LPA: variants seen among roughly 807,000 people sequenced by gnomAD.
LPA encodes the protein apolipoprotein(a).
LPA carries 199 observed loss-of-function variants against 197.9 expected under a neutral mutation model. The observed-to-expected ratio is 1.01, with a 90% confidence interval of 0.90 to 1.13. The LOEUF (loss-of-function observed/expected upper bound fraction) is 1.13, where lower values mean the gene tolerates loss of function less well. LPA is among the 50% of genes most tolerant of loss of function. The probability of loss-of-function intolerance (pLI) is 0.00; values close to 1 mark genes in which losing one functional copy is unlikely to be tolerated. For missense variants in LPA, 1,853 were observed against 1,785.8 expected (o/e 1.04, Z -0.68); for synonymous variants, 715 against 639.5 (o/e 1.12, Z -1.78).
chr6:160,608,288 T>C (rs1445927598), intron 16 of LPA, among the ~76,000 whole-genome samples: 3 of 152,168 alleles, frequency 2.0e-5, no homozygotes, highest in East Asian at 1.9e-4. Context: ...TTCCGGTTTC[T>C]TTGTTTGGGG....
Position 160,556,059 on chromosome 6 carries a change from G to T in LPA, c.4939C>A (p.Arg1647=). 4 of 1,612,184 alleles carry T rather than the reference G, an allele frequency of 2.5e-6. No individual in the cohort carries two copies. In the South Asian group the frequency reaches 4.4e-5, roughly 18 times the overall value. Residue 1647 remains arginine, a synonymous_variant, in exon 30 of 39, where the codon CGG becomes AGG. Transcript: ENST00000316300. ...TAGTTTTCTGGGGTCCTCTGATGCC[G>T]GTGTGGTGTCATGGATGACCAAGAT... is the stretch of plus-strand genomic sequence containing the variant. ...CQSWSSMTPH[R]HQRTPENYPN...
intron 22 of LPA, among the ~76,000 whole-genome samples, chr6:160,592,185 T>A (rs1779042875): frequency 6.6e-6 from 1 of 152,208 alleles, no homozygotes; most frequent in South Asian, 2.1e-4. Flanking sequence ...TTCCTAGATG[T>A]CCTTGAGGCT....
At chr6:160,610,215 G>A (rs763856297) in intron 16 of LPA, among the ~76,000 whole-genome samples, 1 of 152,060 alleles carries the variant, frequency 6.6e-6, no homozygotes, top group Non-Finnish European at 1.5e-5. Context: ...TGGGGATACC[G>A]CATAGCTGAG....
Position 160,589,636 on chromosome 6 carries a change from G to T in LPA, c.3864C>A (p.Thr1288=). The part of the protein sequence containing the change: ...DGQSYRGSFS[T]TVTGRTCQSW... ...ACTGACATGTCCTTCCTGTAACAGTGGTGGAGAATGAGCCTCGATAACTCT... is the reference window on the plus strand; with the variant it reads ...ACTGACATGTCCTTCCTGTAACAGTTGTGGAGAATGAGCCTCGATAACTCT... Residue 1288 remains threonine (T), a synonymous_variant, in exon 24 of 39, where the codon ACC becomes ACA. Transcript: ENST00000316300. 1 of 1,613,944 alleles carries T rather than the reference G, an allele frequency of 6.2e-7. No individual in the cohort carries two copies. Among genetic ancestry groups the T allele is most frequent in the Non-Finnish European group, 8.5e-7 (1 of 1,179,876 alleles).
chr6:160,537,972 AGT>A lies in LPA; in HGVS notation c.5736-13_5736-12del. 1.9e-6 allele frequency: 3 copies of A among 1,612,786 alleles called. No individual in the cohort carries two copies. The highest frequency in any genetic ancestry group is 2.2e-5 in the South Asian group (2 of 91,006). ...GTGATGACGGCAGGCCTGTAAGGAA[AGT>A]ATTAGCAGTTATGTTTCACTGCCCA... is the stretch of plus-strand genomic sequence containing the variant. On this transcript the variant is annotated splice_polypyrimidine_tract_variant and intron_variant, in intron 36 of 38. Coordinates refer to ENST00000316300, the MANE Select transcript of LPA (RefSeq NM_005577.4).
At chr6:160,661,924 A>C (rs1780233743) in intron 1 of LPA, among the ~76,000 whole-genome samples, 1 of 152,220 alleles carries the variant, frequency 6.6e-6, no homozygotes, top group Non-Finnish European at 1.5e-5. Context: ...GAAATGTAGC[A>C]GAGCAGGCTA....
At chr6:160,649,431 C>T (rs1441463598) in intron 2 of LPA, among the ~76,000 whole-genome samples, 1 of 152,164 alleles carries the variant, frequency 6.6e-6, no homozygotes, top group Non-Finnish European at 1.5e-5. Context: ...AACTCCTTTC[C>T]TCCACAAATC....
In LPA at chr6:160,664,229, G is replaced by T; in HGVS notation, c.-15C>A. 6.2e-7 allele frequency: 1 copy of T among 1,605,660 alleles called. No homozygotes were observed. Reference sequence around the variant, plus strand: ...TTATGTTCCATTTTGGGACTGGCCAGCAGTGCCCAGAAAGTGTGTCCCAAT... The same window carrying T: ...TTATGTTCCATTTTGGGACTGGCCATCAGTGCCCAGAAAGTGTGTCCCAAT... On this transcript the variant is annotated 5_prime_UTR_variant, in exon 1 of 39. The change creates a new upstream start codon in the 5' untranslated region. Transcript: ENST00000316300.
intron 2 of LPA, among the ~76,000 whole-genome samples, chr6:160,647,761 G>A (rs1225665638): frequency 6.6e-6 from 1 of 152,106 alleles, no homozygotes; most frequent in East Asian, 1.9e-4. Context: ...CATGATTTAT[G>A]CTACATGTTC....
chr6:160,567,748 CA>C (rs1274187664), intron 28 of LPA, among the ~76,000 whole-genome samples: 46 of 152,012 alleles, frequency 3.0e-4, no homozygotes, highest in African/African-American at 1.1e-3. Flanking sequence ...AGACCACTAG[CA>C]AGACTAATAA....
At chr6:160,590,802 C>T (rs879798391) in intron 23 of LPA, 142 bp downstream of exon 23, 12 of 1,181,544 alleles carry the variant, frequency 1.0e-5, no homozygotes, top group Non-Finnish European at 1.5e-5. Flanking sequence ...AGAGAAGGCG[C>T]TGAGGCTTCC....
chr6:160,593,863 T>C, intron 22 of LPA, 95 bp downstream of exon 22: 1 of 1,461,482 alleles, frequency 6.8e-7, no homozygotes, highest in South Asian at 1.1e-5. Flanking sequence ...AGATCTGAGA[T>C]AAATTTGTCA....
chr6:160,608,783 G>T (rs1483704220), intron 16 of LPA, among the ~76,000 whole-genome samples: 1 of 151,464 alleles, frequency 6.6e-6, no homozygotes, highest in African/African-American at 2.4e-5. Context: ...TGTCTGTGAG[G>T]TTCGGTTGGT....
chr6:160,653,938 ATTT>A (rs1562354213), intron 1 of LPA, among the ~76,000 whole-genome samples: 2 of 60,810 alleles, frequency 3.3e-5, no homozygotes, highest in Non-Finnish European at 5.9e-5. Flanking sequence ...ATATATATAT[ATTT>A]TATATATATT....
intron 37 of LPA, among the ~76,000 whole-genome samples, chr6:160,536,445 T>C (rs1280282308): frequency 6.6e-6 from 1 of 152,206 alleles, no homozygotes; most frequent in East Asian, 1.9e-4. Flanking sequence ...TGATGCACTT[T>C]CTTATTATTT....
chr6:160,653,785 G>T (rs1299825599), intron 1 of LPA, among the ~76,000 whole-genome samples: 1 of 147,916 alleles, frequency 6.8e-6, no homozygotes, highest in East Asian at 2.0e-4. Context: ...GAATCCAAGA[G>T]TACATCAAAA....
chr6:160,532,741 C>T, intron 37 of LPA, 92 bp from the exon 38 acceptor site: 2 of 860,162 alleles, frequency 2.3e-6, no homozygotes, highest in Admixed American at 3.4e-5. Flanking sequence ...GCTGGACCTC[C>T]TGTCTGTCCG....
At chr6:160,576,396 A>G (rs796268909) in intron 28 of LPA, among the ~76,000 whole-genome samples, 1,266 of 46,100 alleles carry the variant, frequency 0.027, 15 homozygotes, top group East Asian at 0.12. Context: ...ATATGTATAT[A>G]TATATATATA....
Position 160,647,082 on chromosome 6 carries a change from G to T in LPA, c.210-687C>A, listed in dbSNP as rs528413461. Among the ~76,000 whole-genome samples, 1,463 of 152,294 alleles carry T rather than the reference G, an allele frequency of 9.6e-3. 12 individuals carry two copies. Among genetic ancestry groups the T allele is most frequent in the Non-Finnish European group, 0.014 (953 of 68,028 alleles). ...AAAACTTGCTCCCAGGCAGAATGCA[G>T]TATCTCTAGAATGGGTTCCTGGGCA... On this transcript the variant is annotated intron_variant, in intron 2 of 38. Coordinates refer to ENST00000316300, the MANE Select transcript of LPA (RefSeq NM_005577.4).
Sources: gnomAD v4.1 joint callset for allele counts (sites outside exome capture counted in the v4.1 genomes callset) on GRCh38, gnomAD v4.1.1 for gene constraint, MANE v1.5 for transcripts, NCBI Gene and HGNC (gene_info 2026-07-23, HGNC 2026-07-21) for gene names.